Variants in RPS29 observed in about 807,000 individuals in gnomAD.
RPS29 encodes the protein small ribosomal subunit protein uS14.
For synonymous variants in RPS29, 37 were observed against 26.9 expected (o/e 1.37, Z -1.16); for missense variants, 60 against 75.7 (o/e 0.79, Z 0.77).
chr14:49,571,370 T>C (rs1881051826), exon 3 of RPS29: 1 of 152,222 alleles, frequency 6.6e-6, no homozygotes, highest in Non-Finnish European at 1.5e-5. Flanking sequence ...TGTTTTATAG[T>C]AAAGAATTTG....
At chr14:49,596,770 G>A (rs1048116019) in intron 1 of RPS29, among the ~76,000 whole-genome samples, 1 of 140,392 alleles carries the variant, frequency 7.1e-6, no homozygotes, top group African/African-American at 2.6e-5. Flanking sequence ...AAAGGACTGA[G>A]ATTGAGGCTT....
chr14:49,584,895 C>T (rs943882741), intron 2 of RPS29, among the ~76,000 whole-genome samples: 1 of 150,058 alleles, frequency 6.7e-6, no homozygotes, highest in Admixed American at 6.7e-5. Flanking sequence ...AAAACCCAAA[C>T]TACTATTTAA....
chr14:49,577,607 T>C (rs1434712715), exon 3 of RPS29: 10 of 692,870 alleles, frequency 1.4e-5, no homozygotes, highest in Non-Finnish European at 2.6e-5. Context: ...TGCTTTGTCT[T>C]TTTGTTTCTC....
chr14:49,586,201 C>T (rs1337838507), intron 1 of RPS29, 84 bp downstream of exon 1: 3 of 1,471,148 alleles, frequency 2.0e-6, no homozygotes, highest in Admixed American at 3.3e-5. Context: ...TCCCTCGTGC[C>T]GCCCGTGGCC....
At chr14:49,595,522 G>A (rs1881802872) in intron 1 of RPS29, among the ~76,000 whole-genome samples, 1 of 152,028 alleles carries the variant, frequency 6.6e-6, no homozygotes, top group Admixed American at 6.6e-5. Context: ...TAGGAGGATG[G>A]CTTGAGCCCA....
rs1881238548 is a variant in RPS29 at position 49,578,191 on chromosome 14, A to G, written c.163-338T>C. On this transcript the variant is annotated intron_variant, in intron 2 of 2. Transcript: ENST00000396020. ...ATATCAATGAGTAGCAGTCAAAATC[A>G]GTAGAATGAAATCATAGCAACCTAA... Among the ~76,000 whole-genome samples, 4 of 152,254 alleles carry G rather than the reference A, an allele frequency of 2.6e-5. No individual in the cohort carries two copies. In the South Asian group the frequency reaches 8.3e-4, roughly 32 times the overall value.
rs575661322 is a variant in RPS29, at chr14:49,573,440, T to C, written c.*4372A>G. The C allele has an allele frequency of 2.8e-4, 38 of 135,242 alleles. 1 individual carries two copies. Among genetic ancestry groups the C allele is most frequent in the African/African-American group, 1.0e-3 (35 of 34,880 alleles). 8.4% of individuals were successfully genotyped at this position (135,242 alleles called of 1,614,324 possible). A position where few individuals can be genotyped will look rare whatever the true frequency, so the allele number is the denominator to read the frequency against. On this transcript the variant is annotated 3_prime_UTR_variant, in exon 3 of 3. Transcript: ENST00000396020. ...GTGAGCCAAGATGGCACCACTGCAC[T>C]CCAGCCTGGACAACAGAGTTAGAAT...
intron 2 of RPS29, among the ~76,000 whole-genome samples, chr14:49,584,018 G>C (rs1173443035): frequency 6.6e-6 from 1 of 152,036 alleles, no homozygotes; most frequent in Non-Finnish European, 1.5e-5. Flanking sequence ...GAGTCTCGCT[G>C]TCTCCCGGAC....
chr14:49,579,185 C>A (rs1421143637), downstream of RPS29, among the ~76,000 whole-genome samples: 4 of 151,978 alleles, frequency 2.6e-5, no homozygotes, highest in Non-Finnish European at 5.9e-5. Flanking sequence ...TAAAATAAGC[C>A]CAAGAAAGCT....
At chr14:49,582,520 A>T (rs1030099731), downstream of RPS29, among the ~76,000 whole-genome samples, 1 of 152,186 alleles carries the variant, frequency 6.6e-6, no homozygotes, top group Non-Finnish European at 1.5e-5. Flanking sequence ...TTTTTCAAAT[A>T]ATGCACATTA....
intron 1 of RPS29, among the ~76,000 whole-genome samples, chr14:49,596,021 G>T (rs1340447603): frequency 6.8e-6 from 1 of 147,168 alleles, no homozygotes; most frequent in Admixed American, 6.8e-5. Context: ...AGAAATGAAG[G>T]AGGGAGGGAG....
downstream of RPS29, among the ~76,000 whole-genome samples, chr14:49,582,681 G>T (rs1294809625): frequency 6.6e-6 from 1 of 152,098 alleles, no homozygotes; most frequent in Non-Finnish European, 1.5e-5. Flanking sequence ...ATTGCGTAGG[G>T]GCTCTTGTTC....
chr14:49,580,536 T>C (rs1229172958), downstream of RPS29, among the ~76,000 whole-genome samples: 1 of 152,172 alleles, frequency 6.6e-6, no homozygotes, highest in Non-Finnish European at 1.5e-5. Flanking sequence ...ACAAGCTCCT[T>C]CTAAGGCAAG....
chr14:49,575,831 T>C (rs927139278), exon 3 of RPS29: 5 of 152,182 alleles, frequency 3.3e-5, no homozygotes, highest in East Asian at 1.9e-4. Context: ...GTCTGGGTGA[T>C]AGAGCAAGGC....
exon 3 of RPS29, chr14:49,574,008 T>C (rs1312049233): frequency 5.9e-5 from 9 of 152,244 alleles, no homozygotes; most frequent in African/African-American, 2.2e-4. Context: ...CTGCCAGGAA[T>C]GTTTATCACT....
chr14:49,586,249 G>A (rs377035651), intron 1 of RPS29, 36 bp downstream of exon 1: 15 of 1,602,940 alleles, frequency 9.4e-6, no homozygotes, highest in East Asian at 2.2e-5. Context: ...AGCGCTCCAC[G>A]GCAACGCTTC....
At chr14:49,583,473 T>C, downstream of RPS29, 1 of 525,036 alleles carries the variant, frequency 1.9e-6, no homozygotes, top group South Asian at 2.7e-5. Context: ...GCCACTGCAC[T>C]CCAGCCTGGC....
chr14:49,581,479 C>T (rs1164504315), downstream of RPS29, among the ~76,000 whole-genome samples: 3 of 152,224 alleles, frequency 2.0e-5, no homozygotes, highest in Admixed American at 2.0e-4. Flanking sequence ...TCTATCCTTC[C>T]AGTTGCTCAG....
At chr14:49,588,984 C>T (rs1482146409), upstream of RPS29, among the ~76,000 whole-genome samples, 2 of 146,930 alleles carry the variant, frequency 1.4e-5, no homozygotes, top group African/African-American at 2.5e-5. Context: ...CTCCGCCTCC[C>T]GGGTTCACGC....
Sources: gnomAD v4.1 joint callset for allele counts (sites outside exome capture counted in the v4.1 genomes callset) on GRCh38, gnomAD v4.1.1 for gene constraint, MANE v1.5 for transcripts, NCBI Gene and HGNC (gene_info 2026-07-23, HGNC 2026-07-21) for gene names.